The following PTPRT variants were observed in gnomAD, a reference collection of about 807,000 sequenced individuals.
PTPRT encodes receptor-type tyrosine-protein phosphatase T.
A neutral mutation model predicts 176.8 loss-of-function variants in PTPRT; 56 were observed. That is an observed-to-expected ratio of 0.32 (90% CI 0.26 to 0.40). The LOEUF (loss-of-function observed/expected upper bound fraction) is 0.40. Among genes scored for constraint, PTPRT ranks in the 10% least tolerant of loss-of-function variants. PTPRT has a pLI of 1.00. For synonymous variants in PTPRT, 783 were observed against 739.0 expected (o/e 1.06, Z -0.96); for missense variants, 1,540 against 1,908.2 (o/e 0.81, Z 3.60).
intron 7 of PTPRT, among the ~76,000 whole-genome samples, chr20:42,530,788 C>T (rs1393361680): frequency 6.6e-6 from 1 of 152,164 alleles, no homozygotes; most frequent in Admixed American, 6.5e-5. Flanking sequence ...AGTACTTGTG[C>T]ATCCAGGAGC....
At chr20:42,444,477 T>C (rs991977984) in intron 9 of PTPRT, among the ~76,000 whole-genome samples, 1 of 152,176 alleles carries the variant, frequency 6.6e-6, no homozygotes, top group African/African-American at 2.4e-5. Flanking sequence ...GGGGGCAGAA[T>C]TGTCTGAGGA....
chr20:42,913,590 G>T, intron 1 of PTPRT, among the ~76,000 whole-genome samples: 1 of 152,080 alleles, frequency 6.6e-6, no homozygotes, highest in East Asian at 1.9e-4. Flanking sequence ...CTGGGGATTA[G>T]GACTTCAAAA....
chr20:42,086,753 A>AAAAAATATATATATATATATATATAT (rs1983991312), intron 27 of PTPRT, among the ~76,000 whole-genome samples: 10 of 95,430 alleles, frequency 1.0e-4, no homozygotes, highest in Non-Finnish European at 1.4e-4. Context: ...AAAAAAAAAA[A>AAAAAATATATATATATATATATATAT]ATATATATAT....
chr20:42,626,105 G>A (rs769687274), intron 7 of PTPRT, among the ~76,000 whole-genome samples: 5 of 151,920 alleles, frequency 3.3e-5, no homozygotes, highest in South Asian at 2.1e-4. Context: ...TTCAGTGACC[G>A]TATTTTTCTA....
At chr20:42,758,231 G>T (rs1430446034) in intron 5 of PTPRT, among the ~76,000 whole-genome samples, 1 of 152,112 alleles carries the variant, frequency 6.6e-6, no homozygotes, top group African/African-American at 2.4e-5. Flanking sequence ...TCCCAGTCTC[G>T]CAACGCGATC....
rs1983262424 is a variant in PTPRT at position 42,080,928 on chromosome 20, T to C, written c.4277A>G (p.Gln1426Arg). 8 of 1,605,782 alleles carry C rather than the reference T, an allele frequency of 5.0e-6. No individual in the cohort carries two copies. Among genetic ancestry groups the C allele is most frequent in the South Asian group, 1.1e-5 (1 of 90,906 alleles). ...TGCCACCTCGTATACAAATTTATAC[T>C]GTTCCTGAGAGGCGGAGAGGAGCAG... ...NKSNMVETLE[Q>R]YKFVYEVALE... Residue 1426 changes from glutamine (Q) to arginine (R), a missense_variant, in exon 31 of 31, where the codon CAG becomes CGG. Around this residue, in one of 11 missense-constraint regions of PTPRT, gnomAD observed 342 missense variants for 394.0 expected, o/e 0.87. Coordinates refer to ENST00000373187, the MANE Select transcript of PTPRT (RefSeq NM_007050.6).
chr20:42,044,185 G>A, the PTPRT span, among the ~76,000 whole-genome samples: 2 of 152,216 alleles, frequency 1.3e-5, no homozygotes, highest in African/African-American at 4.8e-5. Flanking sequence ...CAGCCCAGAT[G>A]AAGCAGAGGC....
intron 1 of PTPRT, among the ~76,000 whole-genome samples, chr20:42,953,850 G>T (rs907509143): frequency 1.3e-5 from 2 of 152,180 alleles, no homozygotes; most frequent in African/African-American, 4.8e-5. Flanking sequence ...GTGCTTTGTA[G>T]GGTGCTTAGC....
chr20:42,712,710 G>C (rs963587458), intron 6 of PTPRT, among the ~76,000 whole-genome samples: 4 of 152,138 alleles, frequency 2.6e-5, no homozygotes, highest in African/African-American at 9.7e-5. Context: ...CTATAAATTG[G>C]TACATCCCCT....
intron 1 of PTPRT, among the ~76,000 whole-genome samples, chr20:43,051,161 C>T (rs1286825670): frequency 2.0e-5 from 3 of 152,198 alleles, no homozygotes; most frequent in Non-Finnish European, 4.4e-5. Flanking sequence ...TCTTTGAGTT[C>T]TTGGATCAAG....
intron 7 of PTPRT, among the ~76,000 whole-genome samples, chr20:42,539,047 T>G (rs1384309621): frequency 1.3e-5 from 2 of 152,206 alleles, no homozygotes; most frequent in East Asian, 3.8e-4. Flanking sequence ...GACCACCGTG[T>G]GTACACCTAC....
chr20:42,588,950 T>C (rs1259156491), intron 7 of PTPRT, among the ~76,000 whole-genome samples: 1 of 151,984 alleles, frequency 6.6e-6, no homozygotes, highest in African/African-American at 2.4e-5. Flanking sequence ...TGGTCCAAGG[T>C]AAAGAGCCAG....
At chr20:42,881,655 G>A (rs945043816) in intron 2 of PTPRT, among the ~76,000 whole-genome samples, 1 of 150,754 alleles carries the variant, frequency 6.6e-6, no homozygotes, top group African/African-American at 2.4e-5. Context: ...AACCTGGGAG[G>A]TGGAGGCTGC....
At chr20:42,651,448 C>T (rs1056233876) in intron 7 of PTPRT, among the ~76,000 whole-genome samples, 3 of 152,122 alleles carry the variant, frequency 2.0e-5, no homozygotes, top group Non-Finnish European at 2.9e-5. Flanking sequence ...ATGAGCTAGT[C>T]ATATTTTGTT....
At chr20:42,497,667 T>C (rs909825939) in intron 7 of PTPRT, among the ~76,000 whole-genome samples, 2 of 152,168 alleles carry the variant, frequency 1.3e-5, no homozygotes, top group African/African-American at 4.8e-5. Context: ...CAGCTTTAGA[T>C]CCTTTACCTT....
At chr20:42,622,284 C>T (rs1002612096) in intron 7 of PTPRT, among the ~76,000 whole-genome samples, 46 of 151,888 alleles carry the variant, frequency 3.0e-4, no homozygotes, top group African/African-American at 1.1e-3. Context: ...CTCTGCTGCC[C>T]AGGCTGGAGT....
chr20:42,263,287 A>G (rs989773503), intron 13 of PTPRT, among the ~76,000 whole-genome samples: 1 of 149,190 alleles, frequency 6.7e-6, no homozygotes, highest in Non-Finnish European at 1.5e-5. Context: ...TGGCATGAAC[A>G]TGGCTCACTT....
At chr20:42,240,444 T>C (rs2056329533) in intron 14 of PTPRT, among the ~76,000 whole-genome samples, 1 of 152,162 alleles carries the variant, frequency 6.6e-6, no homozygotes, top group East Asian at 1.9e-4. Flanking sequence ...CAGCTGTGCT[T>C]AGAAAAAACA....
intron 1 of PTPRT, among the ~76,000 whole-genome samples, chr20:43,025,818 C>T (rs545189721): frequency 2.0e-5 from 3 of 152,120 alleles, no homozygotes; most frequent in Admixed American, 2.0e-4. Context: ...GATCCATCCC[C>T]AGAGCTTCAG....
Sources: allele counts gnomAD v4.1 joint callset (sites outside exome capture counted in the v4.1 genomes callset), GRCh38; gene constraint gnomAD v4.1.1; regional missense constraint gnomAD v4.1.1; transcripts MANE v1.5; gene names NCBI Gene and HGNC (gene_info 2026-07-23, HGNC 2026-07-21).